KAT6B: variants seen among roughly 807,000 people sequenced by gnomAD.
The protein encoded by KAT6B is histone acetyltransferase KAT6B.
Under a neutral mutation model 187.5 loss-of-function variants are expected in KAT6B, and 10 were observed. That is an observed-to-expected ratio of 0.05 (90% CI 0.03 to 0.09). KAT6B has a LOEUF of 0.09. Ranked by LOEUF, KAT6B falls within the 10% of genes least tolerant of loss-of-function variation. The pLI, the probability that KAT6B is intolerant of heterozygous loss-of-function variation, is 1.00. For missense variants in KAT6B, 1,952 were observed against 2,558.9 expected (o/e 0.76, Z 5.12); for synonymous variants, 861 against 926.8 (o/e 0.93, Z 1.29).
chr10:74,840,859 C>T (rs951795173), intron 2 of KAT6B, among the ~76,000 whole-genome samples: 1 of 152,160 alleles, frequency 6.6e-6, no homozygotes, highest in African/African-American at 2.4e-5. Context: ...TGTTTTTCAG[C>T]AACATTCCAG....
chr10:74,887,187 C>T (rs1001280501), intron 3 of KAT6B, among the ~76,000 whole-genome samples: 1 of 152,072 alleles, frequency 6.6e-6, no homozygotes, highest in African/African-American at 2.4e-5. Context: ...GGATGCAGTT[C>T]TGCAGGCAGT....
At chr10:74,940,284 T>C (rs1849568915) in intron 3 of KAT6B, among the ~76,000 whole-genome samples, 1 of 151,970 alleles carries the variant, frequency 6.6e-6, no homozygotes, top group Non-Finnish European at 1.5e-5. Flanking sequence ...TCCCCTTTTT[T>C]TTTTTTTTTG....
intron 3 of KAT6B, among the ~76,000 whole-genome samples, chr10:74,851,256 G>A (rs1013057592): frequency 6.7e-6 from 1 of 149,876 alleles, no homozygotes; most frequent in Non-Finnish European, 1.5e-5. Flanking sequence ...TTACAGGCAT[G>A]TGCCACCATG....
intron 3 of KAT6B, among the ~76,000 whole-genome samples, chr10:74,868,284 C>T (rs1219072863): frequency 6.6e-6 from 1 of 152,238 alleles, no homozygotes; most frequent in East Asian, 1.9e-4. Flanking sequence ...TGCCCAGGCT[C>T]GTCTTGAACT....
chr10:74,976,104 C>T lies in KAT6B; in HGVS notation c.1767C>T (p.Gly589=). The T allele has an allele frequency of 3.7e-6, 6 of 1,614,192 alleles. No homozygotes were observed. The highest frequency in any genetic ancestry group is 5.1e-6 in the Non-Finnish European group (6 of 1,180,032). Residue 589 remains glycine, a synonymous_variant, in exon 8 of 18, where the codon GGC becomes GGT. Coordinates refer to ENST00000287239, the MANE Select transcript of KAT6B (RefSeq NM_012330.4). The part of the protein sequence containing the change: ...STAKSKAHFF[G]KRDIRSRFIS... The stretch of plus-strand genomic sequence containing the variant: ...CAAAATCTAAAGCCCACTTCTTTGG[C>T]AAAAGAGATATTAGAAGTCGGTTTA...
intron 3 of KAT6B, among the ~76,000 whole-genome samples, chr10:74,926,598 G>A (rs749273655): frequency 2.0e-5 from 3 of 152,234 alleles, no homozygotes; most frequent in African/African-American, 7.2e-5. Context: ...CTCTGCACAT[G>A]TTGGGCATGT....
intron 13 of KAT6B, among the ~76,000 whole-genome samples, chr10:75,001,574 G>A (rs1219833410): frequency 6.6e-6 from 1 of 152,154 alleles, no homozygotes; most frequent in African/African-American, 2.4e-5. Context: ...ACAGAAGTAC[G>A]TGTCATAGTA....
intron 4 of KAT6B, among the ~76,000 whole-genome samples, chr10:74,966,664 A>G (rs1841493942): frequency 1.3e-5 from 2 of 152,242 alleles, no homozygotes; most frequent in South Asian, 4.1e-4. Flanking sequence ...AAATTGCAAA[A>G]TACAATAGTA....
chr10:74,859,143 C>T (rs1258458376), intron 3 of KAT6B, among the ~76,000 whole-genome samples: 4 of 152,058 alleles, frequency 2.6e-5, no homozygotes, highest in Non-Finnish European at 4.4e-5. Context: ...TGCAGTGGCA[C>T]GATCTTGGCT....
intron 3 of KAT6B, among the ~76,000 whole-genome samples, chr10:74,931,051 A>G (rs1254670379): frequency 5.9e-5 from 9 of 152,218 alleles, no homozygotes; most frequent in East Asian, 1.9e-4. Context: ...AACAAGCGCA[A>G]TTAAGCACAG....
rs148164181 is a variant in KAT6B, at chr10:74,908,428, C to T, written c.622-51542C>T. 3.2e-4 allele frequency among the ~76,000 whole-genome samples: 48 copies of T among 151,668 alleles called. No individual in the cohort carries two copies. The East Asian group carries it at 9.0e-3, about 28-fold the overall frequency. On this transcript the variant is annotated intron_variant, in intron 3 of 17. Transcript: ENST00000287239. ...ATGCAAAAATTAGCTGGGCATGGTGCTGCGTGCCTGTAGTCCCAGCTACTC... is the reference window on the plus strand; with the variant it reads ...ATGCAAAAATTAGCTGGGCATGGTGTTGCGTGCCTGTAGTCCCAGCTACTC...
chr10:74,971,646 T>G (rs1044012940), intron 6 of KAT6B, among the ~76,000 whole-genome samples: 6 of 152,162 alleles, frequency 3.9e-5, no homozygotes, highest in Non-Finnish European at 7.4e-5. Flanking sequence ...ACCTTTTTCT[T>G]CCTGATTTGC....
At chr10:74,933,668 A>G (rs1010410337) in intron 3 of KAT6B, among the ~76,000 whole-genome samples, 1 of 152,212 alleles carries the variant, frequency 6.6e-6, no homozygotes, top group African/African-American at 2.4e-5. Flanking sequence ...CTTTGGAACA[A>G]TATGCTCATA....
intron 4 of KAT6B, 29 bp from the exon 5 acceptor site, chr10:74,969,631 A>G: frequency 1.5e-6 from 2 of 1,354,116 alleles, no homozygotes; most frequent in South Asian, 1.2e-5. Context: ...CACCATTCCC[A>G]TCAAGCAATT....
Position 75,025,000 on chromosome 10 carries a change from A to C in KAT6B, c.3415A>C (p.Arg1139=). The C allele has an allele frequency of 6.2e-7, 1 of 1,614,252 alleles. No individual in the cohort carries two copies. Among genetic ancestry groups the C allele is most frequent in the Non-Finnish European group, 8.5e-7 (1 of 1,180,042 alleles). The change falls in exon 17 of 18, where the codon AGG becomes CGG. Residue 1139 remains arginine (R), a synonymous_variant. Coordinates refer to ENST00000287239, the MANE Select transcript of KAT6B (RefSeq NM_012330.4). ...LKKKRGRKRR[R]INSSVTTETI... is the part of the protein sequence containing the mutation. ...GAAGAAAAGGGGTCGTAAACGCAGG[A>C]GGATCAACAGCAGTGTAACAACAGA... is the stretch of plus-strand genomic sequence containing the variant.
chr10:74,930,114 G>C (rs565225600), intron 3 of KAT6B, among the ~76,000 whole-genome samples: 6 of 151,958 alleles, frequency 3.9e-5, no homozygotes, highest in Admixed American at 6.6e-5. Flanking sequence ...GTAGAGATGG[G>C]GTTTCACCAT....
intron 4 of KAT6B, among the ~76,000 whole-genome samples, chr10:74,960,410 C>T (rs1841017305): frequency 6.6e-6 from 1 of 152,000 alleles, no homozygotes; most frequent in Admixed American, 6.6e-5. Context: ...AGTACAACCC[C>T]ATCTTTAAAA....
intron 16 of KAT6B, among the ~76,000 whole-genome samples, chr10:75,023,030 G>A (rs1226901707): frequency 6.6e-6 from 1 of 152,190 alleles, no homozygotes; most frequent in Non-Finnish European, 1.5e-5. Context: ...AATTTTGATG[G>A]TGATATTTTG....
intron 3 of KAT6B, among the ~76,000 whole-genome samples, chr10:74,946,744 G>C (rs1202279602): frequency 6.6e-6 from 1 of 152,160 alleles, no homozygotes; most frequent in African/African-American, 2.4e-5. Flanking sequence ...AAAGGTATGA[G>C]CAGGGAACTA....
Sources: gnomAD v4.1 joint callset for allele counts (sites outside exome capture counted in the v4.1 genomes callset) on GRCh38, gnomAD v4.1.1 for gene constraint, MANE v1.5 for transcripts, NCBI Gene and HGNC (gene_info 2026-07-23, HGNC 2026-07-21) for gene names.